GPR137C: variants seen among roughly 807,000 people sequenced by gnomAD.
GPR137C encodes the protein G protein-coupled receptor 137C, also known as integral membrane protein GPR137C.
A neutral mutation model predicts 43.4 loss-of-function variants in GPR137C; 27 were observed. The observed-to-expected ratio is 0.62, with a 90% confidence interval of 0.46 to 0.86. The LOEUF (loss-of-function observed/expected upper bound fraction) is 0.86, where lower values mean the gene tolerates loss of function less well. Ranked by LOEUF, GPR137C falls within the 40% of genes least tolerant of loss-of-function variation. The probability of loss-of-function intolerance (pLI) is 0.00; values close to 1 mark genes in which losing one functional copy is unlikely to be tolerated. For missense variants in GPR137C, 522 were observed against 534.6 expected (o/e 0.98, Z 0.23); for synonymous variants, 285 against 226.9 (o/e 1.26, Z -2.30).
rs577826429 is a variant in GPR137C at position 52,567,955 on chromosome 14, G to T, written c.444+14364G>T. 8.5e-5 allele frequency among the ~76,000 whole-genome samples: 13 copies of T among 152,270 alleles called. No individual in the cohort carries two copies. In the East Asian group the frequency reaches 2.5e-3, roughly 29 times the overall value. Reference sequence around the variant, plus strand: ...TTACAGGCGTGAGCCACCGCGCCTGGCTGAGATTGTTCTTAAGAAATCCAG... The same window carrying T: ...TTACAGGCGTGAGCCACCGCGCCTGTCTGAGATTGTTCTTAAGAAATCCAG... On this transcript the variant is annotated intron_variant, in intron 1 of 6. Transcript: ENST00000321662.
intron 3 of GPR137C, among the ~76,000 whole-genome samples, chr14:52,616,275 G>T (rs1217575529): frequency 6.6e-6 from 1 of 151,090 alleles, no homozygotes; most frequent in Non-Finnish European, 1.5e-5. Flanking sequence ...TCACACATAT[G>T]TTCTCTTTTT....
At chr14:52,558,125 A>C (rs2139431138) in intron 1 of GPR137C, among the ~76,000 whole-genome samples, 1 of 151,520 alleles carries the variant, frequency 6.6e-6, no homozygotes, top group South Asian at 2.1e-4. Flanking sequence ...AAAATGCAGA[A>C]TGATAAAATA....
chr14:52,577,626 A>G (rs1316024955), intron 1 of GPR137C, among the ~76,000 whole-genome samples: 1 of 151,938 alleles, frequency 6.6e-6, no homozygotes, highest in African/African-American at 2.4e-5. Context: ...TCAAATAAGA[A>G]CAATCAGAAA....
chr14:52,577,726 G>A (rs2038582860), intron 1 of GPR137C, among the ~76,000 whole-genome samples: 1 of 151,208 alleles, frequency 6.6e-6, no homozygotes. Context: ...ACTTTGGGAG[G>A]CTGAGGCAGG....
At chr14:52,592,236 T>C (rs1198984733) in intron 1 of GPR137C, among the ~76,000 whole-genome samples, 1 of 152,180 alleles carries the variant, frequency 6.6e-6, no homozygotes, top group African/African-American at 2.4e-5. Context: ...AGCCTTATAG[T>C]ATAGTTTGAA....
chr14:52,581,755 C>A (rs1244877326), intron 1 of GPR137C, among the ~76,000 whole-genome samples: 1 of 152,166 alleles, frequency 6.6e-6, no homozygotes, highest in Non-Finnish European at 1.5e-5. Context: ...CCTAACTCTT[C>A]ACCATGGAAA....
intron 3 of GPR137C, among the ~76,000 whole-genome samples, chr14:52,602,862 G>A (rs1205269866): frequency 6.6e-6 from 1 of 151,466 alleles, no homozygotes; most frequent in African/African-American, 2.4e-5. Context: ...ATATTTTTGG[G>A]GTACATGTGA....
chr14:52,577,575 GAC>G (rs2038579697), intron 1 of GPR137C, among the ~76,000 whole-genome samples: 2 of 150,180 alleles, frequency 1.3e-5, no homozygotes, highest in African/African-American at 4.9e-5. Flanking sequence ...TCTTGGCAAA[GAC>G]AAACAAAATT....
chr14:52,581,836 A>G (rs1164160059), intron 1 of GPR137C, among the ~76,000 whole-genome samples: 3 of 152,334 alleles, frequency 2.0e-5, no homozygotes, highest in African/African-American at 7.2e-5. Context: ...TCTCCAGTAA[A>G]GTTTCTATTT....
intron 1 of GPR137C, among the ~76,000 whole-genome samples, chr14:52,587,384 C>G (rs2038726697): frequency 6.6e-6 from 1 of 152,158 alleles, no homozygotes; most frequent in Non-Finnish European, 1.5e-5. Flanking sequence ...AATTTGTTAT[C>G]TGGCCATAAA....
chr14:52,557,946 A>G (rs760817909), intron 1 of GPR137C, among the ~76,000 whole-genome samples: 27 of 152,084 alleles, frequency 1.8e-4, no homozygotes, highest in Non-Finnish European at 3.7e-4. Context: ...CTGTCTAGCA[A>G]ACTCTTTCTT....
intron 3 of GPR137C, among the ~76,000 whole-genome samples, chr14:52,619,412 C>T (rs2139565192): frequency 6.6e-6 from 1 of 152,050 alleles, no homozygotes; most frequent in African/African-American, 2.4e-5. Context: ...ATTTAATATC[C>T]TAATATTATA....
chr14:52,559,347 A>C (rs1250859936), intron 1 of GPR137C, among the ~76,000 whole-genome samples: 1 of 152,180 alleles, frequency 6.6e-6, no homozygotes, highest in African/African-American at 2.4e-5. Flanking sequence ...ACACCACTGC[A>C]CTCTAGCCTG....
chr14:52,572,538 A>T (rs1433445645), intron 1 of GPR137C, among the ~76,000 whole-genome samples: 1 of 152,190 alleles, frequency 6.6e-6, no homozygotes, highest in East Asian at 1.9e-4. Flanking sequence ...TCTTTGATAA[A>T]ATTCAACACC....
At position 52,553,609 on chromosome 14, in the gene GPR137C, G is replaced by A; in HGVS notation, c.444+18G>A. The A allele has an allele frequency of 6.5e-7, 1 of 1,537,696 alleles. No homozygotes were observed. The highest frequency in any genetic ancestry group is 2.4e-5 in the East Asian group (1 of 40,954). ...TGGCGGAGGTAAGGCGGGAGGGCCGGCATGCGGGGCCCGGGCGGGTGCGCG... is the reference window on the plus strand; with the variant it reads ...TGGCGGAGGTAAGGCGGGAGGGCCGACATGCGGGGCCCGGGCGGGTGCGCG... On this transcript the variant is annotated intron_variant, in intron 1 of 6. Coordinates refer to ENST00000321662, the MANE Select transcript of GPR137C (RefSeq NM_001099652.2).
In GPR137C at chr14:52,634,929, T is replaced by C. The variant is rs2039335434; in HGVS notation, c.1113-9T>C. 1.9e-6 allele frequency: 3 copies of C among 1,611,106 alleles called. No individual in the cohort carries two copies. Among genetic ancestry groups the C allele is most frequent in the Non-Finnish European group, 2.5e-6 (3 of 1,178,824 alleles). On this transcript the variant is annotated splice_polypyrimidine_tract_variant and intron_variant, in intron 6 of 6. Coordinates refer to ENST00000321662, the MANE Select transcript of GPR137C (RefSeq NM_001099652.2). ...GTCCTATGGTCTTTTTGCCTTTTTTTTGTTGCAGTTTACCAAATTCGCAAA... is the reference window on the plus strand; with the variant it reads ...GTCCTATGGTCTTTTTGCCTTTTTTCTGTTGCAGTTTACCAAATTCGCAAA...
chr14:52,634,842 T>A, intron 6 of GPR137C, 96 bp from the exon 7 acceptor site: 1 of 1,060,194 alleles, frequency 9.4e-7, no homozygotes, highest in East Asian at 2.6e-5. Context: ...AGTGCTAACT[T>A]TATTACAAAA....
chr14:52,571,902 TAATA>T (rs942957735), intron 1 of GPR137C, among the ~76,000 whole-genome samples: 1 of 151,706 alleles, frequency 6.6e-6, no homozygotes, highest in African/African-American at 2.4e-5. Flanking sequence ...CAGTAAGAAA[TAATA>T]AAGGGGATAT....
intron 3 of GPR137C, among the ~76,000 whole-genome samples, chr14:52,623,819 A>T (rs2039189062): frequency 6.6e-6 from 1 of 152,124 alleles, no homozygotes; most frequent in South Asian, 2.1e-4. Context: ...ATGTTGGGAA[A>T]ATTATAGTGC....
Sources: allele counts gnomAD v4.1 joint callset (sites outside exome capture counted in the v4.1 genomes callset), GRCh38; gene constraint gnomAD v4.1.1; transcripts MANE v1.5; gene names NCBI Gene and HGNC (gene_info 2026-07-23, HGNC 2026-07-21).